Variants in SULT1C2 observed in about 807,000 individuals in gnomAD.
SULT1C2 encodes sulfotransferase 1C2.
In SULT1C2, 27 loss-of-function variants were observed where a neutral mutation model predicts 36.0. That is an observed-to-expected ratio of 0.75 (90% confidence interval 0.55 to 1.03). The LOEUF is 1.03. Ranked by LOEUF, SULT1C2 falls within the 50% of genes least tolerant of loss-of-function variation. SULT1C2 has a pLI of 0.00. For synonymous variants in SULT1C2, 121 were observed against 116.0 expected, an observed-to-expected ratio of 1.04 and a Z score of -0.27; for missense variants, 395 against 359.2, an observed-to-expected ratio of 1.10 and a Z score of -0.80.
At position 108,309,690 on chromosome 2, in the gene SULT1C2, T is replaced by A; in HGVS notation, c.*1226T>A. On this transcript the variant is annotated 3_prime_UTR_variant, in exon 8 of 8. Coordinates refer to ENST00000251481, the MANE Select transcript of SULT1C2 (RefSeq NM_001056.4). Reference sequence around the variant, plus strand: ...CTGGTCTTAACTGACTGCTTTTTATTATTACCATGCACTGGCAATTCCAAA... The same window carrying A: ...CTGGTCTTAACTGACTGCTTTTTATAATTACCATGCACTGGCAATTCCAAA... 1.3e-5 allele frequency: 2 copies of A among 151,870 alleles called. No individual in the cohort carries two copies. Among genetic ancestry groups the A allele is most frequent in the African/African-American group, 4.8e-5 (2 of 41,298 alleles). 9.4% of individuals were successfully genotyped at this position (151,870 alleles called of 1,614,324 possible).
intron 4 of SULT1C2, chr2:108,302,045 T>C (rs1428067510): frequency 6.6e-6 from 1 of 152,146 alleles, no homozygotes; most frequent in Non-Finnish European, 1.5e-5. Flanking sequence ...ATGTAGAACA[T>C]CCAGGATTAC....
chr2:108,302,291 C>G (rs140929652), intron 4 of SULT1C2: 2 of 152,376 alleles, frequency 1.3e-5, no homozygotes, highest in Non-Finnish European at 2.9e-5. Context: ...AAGCTGGGAC[C>G]ACTGAAGGGC....
rs1303502409 is a variant in SULT1C2 at position 108,294,274 on chromosome 2, G to A, written c.197G>A (p.Gly66Glu). 7 of 1,614,140 alleles carry A rather than the reference G, an allele frequency of 4.3e-6. No individual in the cohort carries two copies. The South Asian group carries it at 6.6e-5, about 15-fold the overall frequency. The change falls in exon 3 of 8, where the codon GGG becomes GAG. Residue 66 changes from glycine to glutamate, a missense_variant. Physicochemically the swap from Gly to Glu is moderately conservative, Grantham distance 98. Coordinates refer to ENST00000251481, the MANE Select transcript of SULT1C2 (RefSeq NM_001056.4). ...ATTGTGGATATGATTGAACAGAATGGGGACGTGGAGAAGTGCCAGCGAGCC... is the reference window on the plus strand; with the variant it reads ...ATTGTGGATATGATTGAACAGAATGAGGACGTGGAGAAGTGCCAGCGAGCC... ...QEIVDMIEQN[G>E]DVEKCQRAII... is the part of the protein sequence containing the mutation.
chr2:108,304,276 G>T (rs1259078870), intron 4 of SULT1C2: 2 of 234,642 alleles, frequency 8.5e-6, no homozygotes, highest in African/African-American at 4.5e-5. Flanking sequence ...CAAGTGGCAG[G>T]TCATAGTTTA....
Position 108,293,717 on chromosome 2 carries a change from A to G in SULT1C2, c.50A>G (p.Glu17Gly), listed in dbSNP as rs569188044. The G allele has an allele frequency of 6.2e-7, 1 of 1,614,064 alleles. No individual in the cohort carries two copies. The highest frequency in any genetic ancestry group is 8.5e-7 in the Non-Finnish European group (1 of 1,179,978). ...LGKQIKLKEVEGTLLQPATVD... is the reference protein window; with the variant it reads ...LGKQIKLKEVGGTLLQPATVD... ...AAACAGATAAAACTGAAAGAGGTGG[A>G]GGGGACCCTCCTGCAGCCTGCAACT... The change falls in exon 2 of 8, where the codon GAG becomes GGG. Residue 17 changes from glutamate to glycine, a missense_variant. Physicochemically the swap from Glu to Gly is moderately conservative, Grantham distance 98. Transcript: ENST00000251481.
chr2:108,295,363 G>A (rs570012308), intron 3 of SULT1C2, among the ~76,000 whole-genome samples: 45 of 152,190 alleles, frequency 3.0e-4, no homozygotes, highest in Non-Finnish European at 4.6e-4. Flanking sequence ...ATACCTGTGG[G>A]GCTCTGACCC....
At chr2:108,304,097 G>T (rs1676958045) in intron 4 of SULT1C2, 1 of 152,576 alleles carries the variant, frequency 6.6e-6, no homozygotes, top group Admixed American at 6.5e-5. Flanking sequence ...TAGGGGCAGA[G>T]CTGAAATGAT....
At chr2:108,303,860 C>T (rs991307668) in intron 4 of SULT1C2, 2 of 152,142 alleles carry the variant, frequency 1.3e-5, no homozygotes, top group African/African-American at 4.8e-5. Context: ...ATACAATCAT[C>T]CCATCATCCC....
rs572265906 is a variant in SULT1C2 at position 108,290,458 on chromosome 2, C to T, written c.-22+1388C>T. Among the ~76,000 whole-genome samples, 4 of 152,290 alleles carry T rather than the reference C, an allele frequency of 2.6e-5. No individual in the cohort carries two copies. In the East Asian group the frequency reaches 5.8e-4, roughly 22 times the overall value. On this transcript the variant is annotated intron_variant, in intron 1 of 7. Transcript: ENST00000251481. ...ACTTAGAGAGACACAATTCAAACCA[C>T]GATAATGTCCGTCTTAGTCCATTTT...
At chr2:108,289,209 G>C (rs1024350244) in intron 1 of SULT1C2, 139 bp downstream of exon 1, 4 of 152,516 alleles carry the variant, frequency 2.6e-5, no homozygotes, top group African/African-American at 7.2e-5. Context: ...TAATATAAAA[G>C]AGTTTTGTTA....
At chr2:108,289,719 T>C (rs953089508) in intron 1 of SULT1C2, among the ~76,000 whole-genome samples, 1 of 152,126 alleles carries the variant, frequency 6.6e-6, no homozygotes, top group Non-Finnish European at 1.5e-5. Flanking sequence ...GCAGGAACCA[T>C]GTGCTGATGT....
In SULT1C2 at chr2:108,305,555, A is replaced by C; in HGVS notation, c.738A>C (p.Lys246Asn). The change falls in exon 7 of 8, where the codon AAA (lysine) becomes AAC (asparagine). Residue 246 changes from lysine to asparagine, a missense_variant. Coordinates refer to ENST00000251481, the MANE Select transcript of SULT1C2 (RefSeq NM_001056.4). Reference sequence around the variant, plus strand: ...TGACAAATCGTTCTACAGTTTCCAAATCTATCTTGGACCAGTCAATTTCCT... The same window carrying C: ...TGACAAATCGTTCTACAGTTTCCAACTCTATCTTGGACCAGTCAATTTCCT... ...NPMTNRSTVS[K>N]SILDQSISSF... The C allele has an allele frequency of 3.1e-6, 5 of 1,614,204 alleles. No homozygotes were observed. The highest frequency in any genetic ancestry group is 3.4e-6 in the Non-Finnish European group (4 of 1,180,018).
intron 4 of SULT1C2, 181 bp downstream of exon 4, chr2:108,301,116 T>C (rs1361563264): frequency 1.3e-6 from 1 of 746,112 alleles, no homozygotes; most frequent in Non-Finnish European, 2.1e-6. Context: ...CAGTTTCAAA[T>C]AGGACATGAA....
At position 108,289,058 on chromosome 2, in the gene SULT1C2, C is replaced by T. The variant is rs1573240395; in HGVS notation, c.-34C>T. On this transcript the variant is annotated 5_prime_UTR_variant, in exon 1 of 8. Transcript: ENST00000251481. ...GGGCCTTTGAGCTGCTGACTTTCAG[C>T]TGGAACTTGAAGGTAAGAATATGGC... 1 of 152,576 alleles carries T rather than the reference C, an allele frequency of 6.6e-6. No homozygotes were observed. Among genetic ancestry groups the T allele is most frequent in the East Asian group, 1.9e-4 (1 of 5,194 alleles). The allele number at this position is 152,576 out of a possible 1,614,324, so 9.5% of individuals were successfully genotyped here.
rs192438753 is a variant in SULT1C2, at chr2:108,290,548, A to C, written c.-22+1478A>C. On this transcript the variant is annotated intron_variant, in intron 1 of 7. Transcript: ENST00000251481. ...AAATATAAGAGGTTTATTTTGAATC[A>C]TGATTCTGGTGGCTGAAAAGTCCAA... Among the ~76,000 whole-genome samples the C allele has an allele frequency of 3.9e-5, 6 of 152,320 alleles. No homozygotes were observed. In the East Asian group the frequency reaches 1.2e-3, roughly 29 times the overall value.
At chr2:108,294,121 AG>A (rs539987789) in intron 2 of SULT1C2, 107 bp from the exon 3 acceptor site, 5 of 1,523,590 alleles carry the variant, frequency 3.3e-6, no homozygotes, top group Non-Finnish European at 4.4e-6. Flanking sequence ...ACCCAAGGGG[AG>A]GGTGATGCAA....
At chr2:108,293,840 C>G (rs1383706257) in intron 2 of SULT1C2, 22 bp downstream of exon 2, 1 of 1,607,798 alleles carries the variant, frequency 6.2e-7, no homozygotes, top group East Asian at 2.2e-5. Flanking sequence ...GTAGGAGGGA[C>G]AGCAAAGACC....
Position 108,298,389 on chromosome 2 carries a change from T to C in SULT1C2, c.278-2449T>C, listed in dbSNP as rs183616463. Among the ~76,000 whole-genome samples, 174 of 152,328 alleles carry C rather than the reference T, an allele frequency of 1.1e-3. 1 individual carries two copies. The highest frequency in any genetic ancestry group is 3.6e-3 in the African/African-American group (151 of 41,580). Reference sequence around the variant, plus strand: ...TCTCTTTTATTCCTTTGCACTTTTTTTTGAGACAGGGTCTCACTCTGTCAC... The same window carrying C: ...TCTCTTTTATTCCTTTGCACTTTTTCTTGAGACAGGGTCTCACTCTGTCAC... On this transcript the variant is annotated intron_variant, in intron 3 of 7. Transcript: ENST00000251481.
intron 3 of SULT1C2, chr2:108,299,417 G>C (rs946781162): frequency 6.6e-6 from 1 of 152,326 alleles, no homozygotes; most frequent in Non-Finnish European, 1.5e-5. Context: ...CATGTCTCCA[G>C]CAGTGAAAGT....
Sources: gnomAD v4.1 joint callset for allele counts (sites outside exome capture counted in the v4.1 genomes callset) on GRCh38, gnomAD v4.1.1 for gene constraint, MANE v1.5 for transcripts, NCBI Gene and HGNC (gene_info 2026-07-23, HGNC 2026-07-21) for gene names.